Variants in ITSN1 observed in about 807,000 individuals in gnomAD.
ITSN1 encodes the protein intersectin-1.
Under a neutral mutation model 239.8 loss-of-function variants are expected in ITSN1, and 58 were observed. The ratio of observed to expected loss-of-function variants is 0.24; its 90% confidence interval spans 0.20 to 0.30. The LOEUF (loss-of-function observed/expected upper bound fraction) is 0.30, where lower values mean the gene tolerates loss of function less well. Among genes scored for constraint, ITSN1 ranks in the 10% least tolerant of loss-of-function variants. ITSN1 has a pLI of 1.00. For synonymous variants in ITSN1, 780 were observed against 770.8 expected, an observed-to-expected ratio of 1.01 and a Z score of -0.20; for missense variants, 1,558 against 2,103.3, an observed-to-expected ratio of 0.74 and a Z score of 5.07.
At chr21:33,820,683 A>G (rs187025313) in intron 24 of ITSN1, among the ~76,000 whole-genome samples, 1 of 152,338 alleles carries the variant, frequency 6.6e-6, no homozygotes, top group Non-Finnish European at 1.5e-5. Context: ...CACTAAACAA[A>G]TCCAGCATCT....
chr21:33,803,497 T>C (rs560553811), intron 20 of ITSN1, among the ~76,000 whole-genome samples: 1 of 152,352 alleles, frequency 6.6e-6, no homozygotes, highest in Non-Finnish European at 1.5e-5. Context: ...AAAACTTATG[T>C]AGATCACATA....
chr21:33,756,318 A>G (rs1156345964), intron 8 of ITSN1, among the ~76,000 whole-genome samples: 1 of 151,630 alleles, frequency 6.6e-6, no homozygotes, highest in Non-Finnish European at 1.5e-5. Flanking sequence ...GAAAGTTATA[A>G]AGAAAAGCAT....
At chr21:33,792,362 GC>G (rs1456440031) in intron 16 of ITSN1, among the ~76,000 whole-genome samples, 9 of 152,024 alleles carry the variant, frequency 5.9e-5, no homozygotes, top group Admixed American at 3.9e-4. Flanking sequence ...CTGCCACCAT[GC>G]CCGGCTAATT....
At chr21:33,671,188 A>G (rs1196561319) in intron 1 of ITSN1, among the ~76,000 whole-genome samples, 2 of 152,206 alleles carry the variant, frequency 1.3e-5, no homozygotes, top group East Asian at 1.9e-4. Context: ...GAGACCACCA[A>G]AAATACCCCA....
At chr21:33,819,547 T>C (rs576206900) in intron 24 of ITSN1, among the ~76,000 whole-genome samples, 1 of 152,382 alleles carries the variant, frequency 6.6e-6, no homozygotes, top group African/African-American at 2.4e-5. Context: ...TATTTTATTA[T>C]AAGCCCTTTG....
At chr21:33,750,471 C>A in intron 6 of ITSN1, 149 bp downstream of exon 6, 2 of 744,462 alleles carry the variant, frequency 2.7e-6, no homozygotes, top group Non-Finnish European at 4.3e-6. Flanking sequence ...CTTGATTTCA[C>A]ATTTTTTCCA....
chr21:33,840,651 C>T (rs530546376), intron 29 of ITSN1, among the ~76,000 whole-genome samples: 11 of 151,684 alleles, frequency 7.3e-5, no homozygotes, highest in East Asian at 1.9e-4. Flanking sequence ...TGTGAGCCAC[C>T]GTGCCTGGCT....
intron 10 of ITSN1, among the ~76,000 whole-genome samples, 188 bp from the exon 11 acceptor site, chr21:33,767,525 A>T (rs536392468): frequency 2.6e-5 from 4 of 152,206 alleles, no homozygotes; most frequent in Non-Finnish European, 5.9e-5. Flanking sequence ...TCAGAGTCTG[A>T]TGACATTCCA....
chr21:33,758,548 TAGAG>T (rs5843622), intron 8 of ITSN1, among the ~76,000 whole-genome samples: 74,286 of 151,716 alleles, frequency 0.49, 18,892 homozygotes, highest in East Asian at 0.82. Flanking sequence ...CCTTATAAAA[TAGAG>T]AGGGATCATT....
At chr21:33,790,296 ATG>A (rs2071012048) in intron 16 of ITSN1, among the ~76,000 whole-genome samples, 1 of 149,574 alleles carries the variant, frequency 6.7e-6, no homozygotes, top group South Asian at 2.1e-4. Context: ...TATTTAATAT[ATG>A]TGTGTAGTAT....
chr21:33,712,661 CA>C (rs1387499389), intron 1 of ITSN1, among the ~76,000 whole-genome samples: 1 of 152,192 alleles, frequency 6.6e-6, no homozygotes, highest in Non-Finnish European at 1.5e-5. Context: ...TGCTTCACTG[CA>C]TAGCTCCCTG....
intron 1 of ITSN1, among the ~76,000 whole-genome samples, chr21:33,646,692 G>C (rs2087985589): frequency 6.6e-6 from 1 of 152,180 alleles, no homozygotes; most frequent in Admixed American, 6.5e-5. Flanking sequence ...CTAAGTTTTT[G>C]AGACACATCC....
chr21:33,653,761 A>T (rs1303037905), intron 1 of ITSN1, among the ~76,000 whole-genome samples: 2 of 152,050 alleles, frequency 1.3e-5, no homozygotes, highest in Admixed American at 6.5e-5. Flanking sequence ...TGACCTCGTG[A>T]TCCGCCCGTC....
At chr21:33,808,018 T>C (rs2072595812) in intron 20 of ITSN1, among the ~76,000 whole-genome samples, 1 of 150,804 alleles carries the variant, frequency 6.6e-6, no homozygotes, top group African/African-American at 2.4e-5. Context: ...ACCCCGTCTC[T>C]ACTAAAAATA....
chr21:33,883,448 T>C, intron 35 of ITSN1, 102 bp from the exon 36 acceptor site: 1 of 1,509,052 alleles, frequency 6.6e-7, no homozygotes, highest in Middle Eastern at 1.8e-4. Context: ...TGCAGTCTCG[T>C]TTACTAGAAC....
At chr21:33,840,117 A>G (rs921617614) in intron 29 of ITSN1, among the ~76,000 whole-genome samples, 1 of 152,214 alleles carries the variant, frequency 6.6e-6, no homozygotes, top group Non-Finnish European at 1.5e-5. Flanking sequence ...AACGTATCTC[A>G]GAACCTTGGT....
chr21:33,694,698 G>C lies in ITSN1; in HGVS notation c.-32-24099G>C, dbSNP rs575724210. The stretch of plus-strand genomic sequence containing the variant: ...TAGCCAGGCGTGGTGGTGGGTGCCT[G>C]TAATCCCAGCGACTTGGGAGGCTGA... On this transcript the variant is annotated intron_variant, in intron 1 of 39. Transcript: ENST00000381318. 5.9e-5 allele frequency among the ~76,000 whole-genome samples: 9 copies of C among 152,244 alleles called. No individual in the cohort carries two copies. The South Asian group carries it at 1.7e-3, about 28-fold the overall frequency.
intron 30 of ITSN1, 110 bp downstream of exon 30, chr21:33,856,967 G>C (rs1483185107): frequency 1.9e-6 from 2 of 1,036,634 alleles, no homozygotes; most frequent in Non-Finnish European, 2.9e-6. Flanking sequence ...GAAACTTTCT[G>C]ATGTTTGAGG....
chr21:33,769,426 A>C (rs1024905345), intron 11 of ITSN1, among the ~76,000 whole-genome samples: 1 of 152,218 alleles, frequency 6.6e-6, no homozygotes, highest in Non-Finnish European at 1.5e-5. Context: ...ATAATACAAA[A>C]TGTACAGTTC....
Sources: gnomAD v4.1 joint callset for allele counts (sites outside exome capture counted in the v4.1 genomes callset) on GRCh38, gnomAD v4.1.1 for gene constraint, MANE v1.5 for transcripts, NCBI Gene and HGNC (gene_info 2026-07-23, HGNC 2026-07-21) for gene names.